Variants in MAP4K5 observed in about 807,000 individuals in gnomAD.
MAP4K5 encodes the protein MAPK/ERK kinase kinase kinase 5.
In MAP4K5, 82 loss-of-function variants were observed where a neutral mutation model predicts 135.6. That is an observed-to-expected ratio of 0.60 (90% CI 0.51 to 0.73). The LOEUF is 0.73. Among genes scored for constraint, MAP4K5 ranks in the 30% least tolerant of loss-of-function variants. The pLI, the probability that MAP4K5 is intolerant of heterozygous loss-of-function variation, is 0.00. For synonymous variants in MAP4K5, 347 were observed against 335.0 expected, an observed-to-expected ratio of 1.04 and a Z score of -0.39; for missense variants, 907 against 1,010.9, an observed-to-expected ratio of 0.90 and a Z score of 1.39.
At chr14:50,558,994 T>C (rs1279897618) in intron 1 of MAP4K5, 2 of 152,206 alleles carry the variant, frequency 1.3e-5, no homozygotes, top group East Asian at 3.8e-4. Context: ...TTCAGATATG[T>C]TGATGTTCAA....
upstream of MAP4K5, among the ~76,000 whole-genome samples, chr14:50,537,217 G>A (rs1021235859): frequency 3.3e-5 from 5 of 152,190 alleles, no homozygotes; most frequent in Admixed American, 1.3e-4. Context: ...CATAGAGCTG[G>A]GGCCGTGGCT....
rs997109430 is a variant in MAP4K5 at position 50,431,801 on chromosome 14, A to G, written c.2165-2541T>C. 3.9e-5 allele frequency among the ~76,000 whole-genome samples: 6 copies of G among 152,206 alleles called. No individual in the cohort carries two copies. The South Asian group carries it at 1.0e-3, about 26-fold the overall frequency. ...GATGGCTGGGTCAAATGGTATTTGTAGTTCTAGATCCCTGAGGAATCGCCA... is the reference window on the plus strand; with the variant it reads ...GATGGCTGGGTCAAATGGTATTTGTGGTTCTAGATCCCTGAGGAATCGCCA... On this transcript the variant is annotated intron_variant, in intron 28 of 32. Coordinates refer to ENST00000682126, the MANE Select transcript of MAP4K5 (RefSeq NM_006575.6).
At chr14:50,557,304 C>T (rs1452439933) in intron 1 of MAP4K5, among the ~76,000 whole-genome samples, 3 of 152,242 alleles carry the variant, frequency 2.0e-5, no homozygotes, top group Non-Finnish European at 4.4e-5. Context: ...TCTTCCCATT[C>T]TTCCATTATT....
chr14:50,491,610 A>G (rs1268558302), intron 3 of MAP4K5, among the ~76,000 whole-genome samples: 1 of 150,786 alleles, frequency 6.6e-6, no homozygotes, highest in African/African-American at 2.4e-5. Flanking sequence ...TATCTCTTAA[A>G]CTCCTAAAAC....
chr14:50,429,999 CCTT>C (rs2035934238), intron 28 of MAP4K5, among the ~76,000 whole-genome samples: 1 of 151,700 alleles, frequency 6.6e-6, no homozygotes, highest in African/African-American at 2.4e-5. Context: ...TTAGAGCAGT[CCTT>C]TTTTTTTTAA....
At chr14:50,548,034 C>A (rs780166432) in intron 1 of MAP4K5, among the ~76,000 whole-genome samples, 46 of 152,232 alleles carry the variant, frequency 3.0e-4, no homozygotes, top group Middle Eastern at 3.4e-3. Flanking sequence ...GTGGAGACTA[C>A]CCTACAAACC....
At chr14:50,521,423 G>C (rs1010606739) in intron 2 of MAP4K5, among the ~76,000 whole-genome samples, 12 of 152,192 alleles carry the variant, frequency 7.9e-5, no homozygotes, top group Non-Finnish European at 1.5e-5. Flanking sequence ...ATAATGGAAA[G>C]AGCAGAGACT....
In MAP4K5 at chr14:50,490,554, G is replaced by T. The variant is rs551385537; in HGVS notation, c.167-4360C>A. Reference sequence around the variant, plus strand: ...CATTAAGAGACAGATTTGCTAAAAAGTGTACAAGTACAAGATCCTGAAGGC... The same window carrying T: ...CATTAAGAGACAGATTTGCTAAAAATTGTACAAGTACAAGATCCTGAAGGC... On this transcript the variant is annotated intron_variant, in intron 3 of 32. Transcript: ENST00000682126. 2.0e-5 allele frequency among the ~76,000 whole-genome samples: 3 copies of T among 152,194 alleles called. No individual in the cohort carries two copies. The East Asian group carries it at 5.8e-4, about 29-fold the overall frequency.
chr14:50,530,544 A>C (rs1184970322), intron 2 of MAP4K5, among the ~76,000 whole-genome samples: 3 of 152,240 alleles, frequency 2.0e-5, no homozygotes, highest in Admixed American at 6.5e-5. Context: ...CTGAGAAAGG[A>C]AATAGGAATT....
intron 11 of MAP4K5, 104 bp downstream of exon 11, chr14:50,466,479 T>A: frequency 1.8e-6 from 1 of 540,566 alleles, no homozygotes; most frequent in Non-Finnish European, 3.4e-6. Context: ...AGAAAACTGC[T>A]TAATGTCTAT....
At position 50,461,846 on chromosome 14, in the gene MAP4K5, G is replaced by C. The variant is rs530778204; in HGVS notation, c.936+819C>G. Among the ~76,000 whole-genome samples the C allele has an allele frequency of 9.2e-5, 14 of 151,920 alleles. No homozygotes were observed. In the South Asian group the frequency reaches 2.1e-3, roughly 23 times the overall value. On this transcript the variant is annotated intron_variant, in intron 13 of 32. Transcript: ENST00000682126. ...AGGCAGGAGAATCACTTGAACCCAG[G>C]AAGTGGAGGTTGCAGTGAGCCAAGA...
In MAP4K5 at chr14:50,435,034, G is replaced by A; in HGVS notation, c.1914C>T (p.Leu638=). 2 of 1,610,896 alleles carry A rather than the reference G, an allele frequency of 1.2e-6. No homozygotes were observed. Among genetic ancestry groups the A allele is most frequent in the African/African-American group, 1.3e-5 (1 of 74,934 alleles). The change falls in exon 27 of 33, where the codon CTC becomes CTT. Residue 638 remains leucine (L), a synonymous_variant. Coordinates refer to ENST00000682126, the MANE Select transcript of MAP4K5 (RefSeq NM_006575.6). The part of the protein sequence containing the change: ...VRNPYTGHKY[L]CGALQSGIVL... Reference sequence around the variant, plus strand: ...CAATTCCAGACTGTAAAGCTCCACAGAGGTATTTATGTCCCGTGTAAGGGT... The same window carrying A: ...CAATTCCAGACTGTAAAGCTCCACAAAGGTATTTATGTCCCGTGTAAGGGT...
At position 50,476,304 on chromosome 14, in the gene MAP4K5, A is replaced by G; in HGVS notation, c.381T>C (p.Gly127=). Residue 127 remains glycine (G), a splice_region_variant and synonymous_variant, in exon 7 of 33, where the codon GGT becomes GGC. Transcript: ENST00000682126. ...IAYVCRETLQ[G]LAYLHTKGKM... The stretch of plus-strand genomic sequence containing the variant: ...TGCCTTTAGTATGCAAATAGGCAAG[A>G]CCCTAAAAGTTTAAAAAAAAAAAAA... The G allele has an allele frequency of 7.1e-7, 1 of 1,410,090 alleles. No individual in the cohort carries two copies. The highest frequency in any genetic ancestry group is 9.3e-7 in the Non-Finnish European group (1 of 1,071,062). The allele number at this position is 1,410,090 out of a possible 1,614,324, so 87.3% of individuals were successfully genotyped here.
chr14:50,473,948 T>A (rs2037035593), intron 9 of MAP4K5, among the ~76,000 whole-genome samples: 1 of 152,020 alleles, frequency 6.6e-6, no homozygotes, highest in Non-Finnish European at 1.5e-5. Flanking sequence ...ATGGTCTCGA[T>A]CTCCTGACCT....
chr14:50,554,663 C>T (rs1217838744), intron 1 of MAP4K5, among the ~76,000 whole-genome samples: 1 of 152,200 alleles, frequency 6.6e-6, no homozygotes, highest in African/African-American at 2.4e-5. Context: ...GGAAAACAAT[C>T]TCATTGCTCA....
intron 13 of MAP4K5, among the ~76,000 whole-genome samples, chr14:50,462,136 G>A (rs904195698): frequency 2.2e-4 from 34 of 152,216 alleles, no homozygotes; most frequent in African/African-American, 7.9e-4. Flanking sequence ...GCTGGATTTC[G>A]AAGAAGTCCT....
intron 6 of MAP4K5, among the ~76,000 whole-genome samples, chr14:50,480,470 G>T (rs1405968882): frequency 1.3e-5 from 2 of 148,178 alleles, no homozygotes; most frequent in Non-Finnish European, 3.0e-5. Flanking sequence ...TCCCTTCTCA[G>T]CCTCGGGTAA....
chr14:50,440,931 T>C (rs2036211950), intron 21 of MAP4K5, among the ~76,000 whole-genome samples: 1 of 152,124 alleles, frequency 6.6e-6, no homozygotes, highest in South Asian at 2.1e-4. Flanking sequence ...ATGCTGAGCC[T>C]AGAAATCTTG....
Position 50,445,065 on chromosome 14 carries a change from G to C in MAP4K5, c.1315C>G (p.Pro439Ala). ...CCAATAGAAGAAGTCTCTGCCACAG[G>C]CCCACAACTTGGGCTACTCTGTCTT... ...LRRQSSPSCGPVAETSSIGNG... is the reference protein window; with the variant it reads ...LRRQSSPSCGAVAETSSIGNG... The change falls in exon 18 of 33, where the codon CCT becomes GCT. Residue 439 changes from proline to alanine, a missense_variant. Physicochemically the swap from Pro to Ala is conservative, Grantham distance 27. This residue lies in a region of MAP4K5 where 690 missense variants were observed against 777.4 expected (regional missense o/e 0.89). Transcript: ENST00000682126. The C allele has an allele frequency of 6.2e-7, 1 of 1,613,452 alleles. No individual in the cohort carries two copies.
Sources: gnomAD v4.1 joint callset for allele counts (sites outside exome capture counted in the v4.1 genomes callset) on GRCh38, gnomAD v4.1.1 for gene constraint, gnomAD v4.1.1 regional missense constraint, MANE v1.5 for transcripts, NCBI Gene and HGNC (gene_info 2026-07-23, HGNC 2026-07-21) for gene names.